The following RBFOX1 variants were observed in gnomAD, a reference collection of about 807,000 sequenced individuals.
RBFOX1 encodes RNA binding fox-1 homolog 1, also known as RNA binding protein fox-1 homolog 1.
In RBFOX1, 8 loss-of-function variants were observed where a neutral mutation model predicts 57.7. The ratio of observed to expected loss-of-function variants is 0.14; its 90% CI spans 0.08 to 0.25. The LOEUF is 0.25. Ranked by LOEUF, RBFOX1 falls within the 10% of genes least tolerant of loss-of-function variation. RBFOX1 has a pLI of 1.00. For missense variants in RBFOX1, 611 were observed against 548.5 expected (o/e 1.11, Z -1.14); for synonymous variants, 326 against 222.4 (o/e 1.47, Z -4.15).
chr16:5,249,535 A>T (rs1041686839), intron 1 of RBFOX1, among the ~76,000 whole-genome samples: 2 of 152,182 alleles, frequency 1.3e-5, no homozygotes, highest in Non-Finnish European at 2.9e-5. Flanking sequence ...TGTGGGGGTA[A>T]GCCCCTGCCT....
At chr16:7,428,814 C>G (rs552020317) in intron 4 of RBFOX1, among the ~76,000 whole-genome samples, 2 of 151,992 alleles carry the variant, frequency 1.3e-5, no homozygotes, top group Admixed American at 1.3e-4. Context: ...CTCTCTGAGA[C>G]TCAGTCTTAC....
intron 4 of RBFOX1, among the ~76,000 whole-genome samples, chr16:5,953,877 C>G (rs2059570763): frequency 6.6e-6 from 1 of 152,078 alleles, no homozygotes; most frequent in Admixed American, 6.6e-5. Flanking sequence ...TTGCTGTATA[C>G]TTACACTAAA....
At chr16:6,795,528 G>A (rs978531723) in intron 3 of RBFOX1, among the ~76,000 whole-genome samples, 1 of 152,118 alleles carries the variant, frequency 6.6e-6, no homozygotes, top group Non-Finnish European at 1.5e-5. Context: ...AGCACTTTGG[G>A]AGGCCGAGGT....
At chr16:6,989,343 T>C (rs556486199) in intron 3 of RBFOX1, among the ~76,000 whole-genome samples, 60 of 152,366 alleles carry the variant, frequency 3.9e-4, no homozygotes, top group Non-Finnish European at 6.8e-4. Context: ...TCTATCTGTA[T>C]CAGTCTGTCT....
intron 4 of RBFOX1, among the ~76,000 whole-genome samples, chr16:7,480,877 C>T (rs2063765126): frequency 6.6e-6 from 1 of 152,174 alleles, no homozygotes; most frequent in South Asian, 2.1e-4. Context: ...CCTGGGGCTG[C>T]TTCCCTCTGA....
intron 3 of RBFOX1, among the ~76,000 whole-genome samples, chr16:6,763,074 A>T (rs2076853482): frequency 6.6e-6 from 1 of 152,192 alleles, no homozygotes; most frequent in African/African-American, 2.4e-5. Flanking sequence ...ATATATCAGG[A>T]CTGTATTACG....
At chr16:5,415,333 C>T (rs1017096238) in intron 1 of RBFOX1, among the ~76,000 whole-genome samples, 5 of 152,172 alleles carry the variant, frequency 3.3e-5, no homozygotes, top group African/African-American at 1.2e-4. Flanking sequence ...CTGGTGAGAA[C>T]TCCCTTGCTA....
Position 6,674,610 on chromosome 16 carries a change from C to G in RBFOX1, c.-16+19960C>G, listed in dbSNP as rs139613049. Among the ~76,000 whole-genome samples the G allele has an allele frequency of 2.4e-3, 370 of 152,292 alleles. 2 individuals are homozygous for G. Among genetic ancestry groups the G allele is most frequent in the Admixed American group, 5.8e-3 (88 of 15,294 alleles). On this transcript the variant is annotated intron_variant, in intron 3 of 15. Coordinates refer to ENST00000550418, the MANE Select transcript of RBFOX1 (RefSeq NM_018723.4). ...GTGTTGGAATTACAGGCGTGAGCCA[C>G]CGTGCCCAGCCCGAATGGGCTCTTA... is the stretch of plus-strand genomic sequence containing the variant.
intron 3 of RBFOX1, among the ~76,000 whole-genome samples, chr16:6,880,540 A>T (rs1470879320): frequency 6.6e-6 from 1 of 152,160 alleles, no homozygotes; most frequent in Non-Finnish European, 1.5e-5. Context: ...GTCAGGTTAG[A>T]CAGCTTCAGA....
intron 11 of RBFOX1, among the ~76,000 whole-genome samples, chr16:7,638,868 C>T (rs1430783857): frequency 6.6e-6 from 1 of 152,048 alleles, no homozygotes; most frequent in Admixed American, 6.6e-5. Context: ...GTAATTCTTA[C>T]TTAAAAGGAC....
At chr16:7,454,339 G>A (rs923040540) in intron 4 of RBFOX1, among the ~76,000 whole-genome samples, 2 of 152,168 alleles carry the variant, frequency 1.3e-5, no homozygotes, top group African/African-American at 4.8e-5. Context: ...AGTAGATGGG[G>A]GTGGGCCCTC....
chr16:6,457,821 G>A (rs1042910488), intron 2 of RBFOX1, among the ~76,000 whole-genome samples: 20 of 152,224 alleles, frequency 1.3e-4, no homozygotes, highest in African/African-American at 4.8e-4. Flanking sequence ...TGTTACAAAT[G>A]GAGTTGTAAA....
chr16:6,558,054 T>C (rs2097129365), intron 2 of RBFOX1, among the ~76,000 whole-genome samples: 1 of 152,222 alleles, frequency 6.6e-6, no homozygotes, highest in South Asian at 2.1e-4. Flanking sequence ...AATTAGGCTC[T>C]TTTTTAAGGC....
chr16:6,095,171 A>G (rs1243322272), intron 1 of RBFOX1, among the ~76,000 whole-genome samples: 1 of 152,234 alleles, frequency 6.6e-6, no homozygotes, highest in Non-Finnish European at 1.5e-5. Context: ...ACTGGAGGTT[A>G]TTAACAGAAA....
chr16:6,101,255 C>G (rs1412003404), intron 1 of RBFOX1, among the ~76,000 whole-genome samples: 1 of 152,164 alleles, frequency 6.6e-6, no homozygotes, highest in Non-Finnish European at 1.5e-5. Flanking sequence ...CAGCATGCAC[C>G]TTCAGTGGGT....
At chr16:7,048,799 G>T (rs1435550548) in intron 3 of RBFOX1, among the ~76,000 whole-genome samples, 1 of 152,116 alleles carries the variant, frequency 6.6e-6, no homozygotes, top group Non-Finnish European at 1.5e-5. Flanking sequence ...TGTATTCTGG[G>T]TATATTGAAT....
intron 2 of RBFOX1, among the ~76,000 whole-genome samples, chr16:6,526,358 T>C (rs1412229716): frequency 2.0e-5 from 3 of 152,160 alleles, no homozygotes; most frequent in African/African-American, 7.2e-5. Flanking sequence ...CCAGTTATGT[T>C]GTGAAAGGCT....
chr16:5,572,464 C>G (rs35596134), intron 2 of RBFOX1, among the ~76,000 whole-genome samples: 2 of 152,106 alleles, frequency 1.3e-5, no homozygotes, highest in Non-Finnish European at 2.9e-5. Flanking sequence ...CTCTTCTGTA[C>G]GTGGAAGGAT....
chr16:5,643,200 C>A (rs754784747), intron 3 of RBFOX1, among the ~76,000 whole-genome samples: 2 of 152,138 alleles, frequency 1.3e-5, no homozygotes, highest in African/African-American at 4.8e-5. Context: ...GGGTGAGGAA[C>A]TTGCCTAAAG....
Sources: gnomAD v4.1 joint callset for allele counts (sites outside exome capture counted in the v4.1 genomes callset) on GRCh38, gnomAD v4.1.1 for gene constraint, MANE v1.5 for transcripts, NCBI Gene and HGNC (gene_info 2026-07-23, HGNC 2026-07-21) for gene names.